The following ZNF804A variants were observed in gnomAD, a reference collection of about 807,000 sequenced individuals.
ZNF804A encodes zinc finger protein 804A.
ZNF804A carries 2 observed loss-of-function variants against 16.5 expected under a neutral mutation model. That is an observed-to-expected ratio of 0.12 (90% CI 0.05 to 0.38). The LOEUF is 0.38. ZNF804A is among the 10% of genes least tolerant of loss of function. The pLI is 0.99. For missense variants in ZNF804A, 1,473 were observed against 1,390.7 expected (o/e 1.06, Z -0.94); for synonymous variants, 534 against 489.6 (o/e 1.09, Z -1.20).
chr2:184,715,157 G>T lies in ZNF804A; in HGVS notation c.111+116087G>T, dbSNP rs114135802. On this transcript the variant is annotated intron_variant, in intron 1 of 3. Coordinates refer to ENST00000302277, the MANE Select transcript of ZNF804A (RefSeq NM_194250.2). ...AATTTTTGTAGTCTTCAGGATTCAAGATTCAAAATAGCTTGGGGACTAACT... is the reference window on the plus strand; with the variant it reads ...AATTTTTGTAGTCTTCAGGATTCAATATTCAAAATAGCTTGGGGACTAACT... Among the ~76,000 whole-genome samples the T allele has an allele frequency of 4.6e-3, 697 of 152,234 alleles. 12 individuals carry two copies. Among genetic ancestry groups the T allele is most frequent in the African/African-American group, 0.015 (635 of 41,570 alleles).
chr2:184,921,234 G>A (rs1685523729), intron 2 of ZNF804A, among the ~76,000 whole-genome samples: 1 of 151,982 alleles, frequency 6.6e-6, no homozygotes, highest in Non-Finnish European at 1.5e-5. Flanking sequence ...AAAAATATAA[G>A]AAAAAACATT....
At chr2:184,625,566 GAAAT>G (rs952130558) in intron 1 of ZNF804A, among the ~76,000 whole-genome samples, 6 of 152,060 alleles carry the variant, frequency 3.9e-5, no homozygotes, top group African/African-American at 1.2e-4. Context: ...GACAGATGGA[GAAAT>G]AAATAAGTAG....
chr2:184,737,857 C>T (rs1231758698), intron 1 of ZNF804A, among the ~76,000 whole-genome samples: 1 of 152,140 alleles, frequency 6.6e-6, no homozygotes, highest in Non-Finnish European at 1.5e-5. Context: ...GGCGCAGTGG[C>T]TTACGCTTAT....
intron 2 of ZNF804A, among the ~76,000 whole-genome samples, chr2:184,931,154 G>A (rs917073699): frequency 1.3e-5 from 2 of 152,176 alleles, no homozygotes; most frequent in African/African-American, 4.8e-5. Flanking sequence ...GAGTGTCTGT[G>A]GTTTTTCCAG....
chr2:184,921,138 T>A (rs911031579), intron 2 of ZNF804A, among the ~76,000 whole-genome samples: 6 of 152,174 alleles, frequency 3.9e-5, no homozygotes, highest in Non-Finnish European at 8.8e-5. Context: ...TTATTTGGAG[T>A]GTAACTATAC....
rs1473054487 is a variant in ZNF804A at position 184,938,711 on chromosome 2, GCACGCTGCAGCTGCTGCAGCT to G, written c.3316_3336del (p.His1106_Ala1112del). 2 of 1,612,958 alleles carry G rather than the reference GCACGCTGCAGCTGCTGCAGCT, an allele frequency of 1.2e-6. No homozygotes were observed. Among genetic ancestry groups the G allele is most frequent in the Non-Finnish European group, 1.7e-6 (2 of 1,179,568 alleles). ...CTATCCATCACACTGTTTTGCAGCA[GCACGCTGCAGCTGCTGCAGCT>G]GCAGCTGCAGCCGCAGCTGCAGGAA... is the stretch of plus-strand genomic sequence containing the variant. On this transcript the variant is annotated inframe_deletion, in exon 4 of 4. Transcript: ENST00000302277.
intron 2 of ZNF804A, among the ~76,000 whole-genome samples, chr2:184,909,098 A>G (rs1161558075): frequency 6.6e-6 from 1 of 151,946 alleles, no homozygotes; most frequent in African/African-American, 2.4e-5. Context: ...ATGAACTGCT[A>G]TTTTTTCACT....
At chr2:184,796,462 A>G (rs1694630442) in intron 1 of ZNF804A, among the ~76,000 whole-genome samples, 1 of 151,890 alleles carries the variant, frequency 6.6e-6, no homozygotes, top group Non-Finnish European at 1.5e-5. Context: ...GGAGGGCTGT[A>G]TTTTTCCAGG....
At chr2:184,652,540 T>A (rs1330310568) in intron 1 of ZNF804A, among the ~76,000 whole-genome samples, 1 of 152,178 alleles carries the variant, frequency 6.6e-6, no homozygotes, top group Non-Finnish European at 1.5e-5. Flanking sequence ...ATGGGAGTTT[T>A]TGGTGAAATC....
At chr2:184,692,947 A>G (rs1019801496) in intron 1 of ZNF804A, among the ~76,000 whole-genome samples, 2 of 152,186 alleles carry the variant, frequency 1.3e-5, no homozygotes, top group African/African-American at 4.8e-5. Context: ...AGATAGTGCT[A>G]TTTATAAAAC....
chr2:184,771,356 A>T (rs947064694), intron 1 of ZNF804A, among the ~76,000 whole-genome samples: 2 of 152,050 alleles, frequency 1.3e-5, no homozygotes, highest in African/African-American at 4.8e-5. Context: ...TATTTAATAT[A>T]TCACAGTTTC....
chr2:184,810,118 G>A (rs986584597), intron 1 of ZNF804A, among the ~76,000 whole-genome samples: 3 of 152,140 alleles, frequency 2.0e-5, no homozygotes, highest in Non-Finnish European at 2.9e-5. Context: ...AGTGAAGTAA[G>A]TTTTATTAAA....
In ZNF804A at chr2:184,935,716, A is replaced by C. The variant is rs1353283103; in HGVS notation, c.387-67A>C. On this transcript the variant is annotated intron_variant, in intron 3 of 3. Transcript: ENST00000302277. The stretch of plus-strand genomic sequence containing the variant: ...TATTATAATGACTTTTTAAAGATGA[A>C]AATATTTGACTATTTTTTTTTCTCA... The C allele has an allele frequency of 4.8e-6, 7 of 1,473,612 alleles. No homozygotes were observed. In the East Asian group the frequency reaches 1.6e-4, roughly 34 times the overall value. 91.3% of individuals were successfully genotyped at this position (1,473,612 alleles called of 1,614,324 possible). A position where few individuals can be genotyped will look rare whatever the true frequency, so the allele number is the denominator to read the frequency against.
intron 1 of ZNF804A, among the ~76,000 whole-genome samples, chr2:184,631,969 CAT>C (rs1389709594): frequency 2.6e-5 from 4 of 152,108 alleles, no homozygotes; most frequent in East Asian, 1.9e-4. Context: ...AAAGAACAAA[CAT>C]AGAGAAGCTG....
chr2:184,930,786 T>C (rs1363715179), intron 2 of ZNF804A, among the ~76,000 whole-genome samples: 2 of 152,232 alleles, frequency 1.3e-5, no homozygotes, highest in Non-Finnish European at 2.9e-5. Context: ...TTGTTCTAAG[T>C]TCCTGGTACA....
At chr2:184,833,043 A>G (rs1005359653) in intron 1 of ZNF804A, among the ~76,000 whole-genome samples, 2 of 152,052 alleles carry the variant, frequency 1.3e-5, no homozygotes, top group South Asian at 4.1e-4. Context: ...GGGCACATGC[A>G]TACTTAATTT....
At chr2:184,816,492 C>G (rs1049430634) in intron 1 of ZNF804A, among the ~76,000 whole-genome samples, 2 of 152,008 alleles carry the variant, frequency 1.3e-5, no homozygotes, top group African/African-American at 4.8e-5. Flanking sequence ...AACTCTTAAG[C>G]TCAGGGATTT....
chr2:184,830,366 C>A (rs1006064666), intron 1 of ZNF804A, among the ~76,000 whole-genome samples: 8 of 151,842 alleles, frequency 5.3e-5, no homozygotes, highest in Non-Finnish European at 1.2e-4. Flanking sequence ...AATTGTTTAC[C>A]TTGAGATATA....
chr2:184,838,876 T>C (rs937481628), intron 1 of ZNF804A, among the ~76,000 whole-genome samples: 11 of 152,150 alleles, frequency 7.2e-5, no homozygotes, highest in African/African-American at 2.4e-4. Context: ...AAATTGATTA[T>C]ATAGAAAACA....
Sources: gnomAD v4.1 joint callset for allele counts (sites outside exome capture counted in the v4.1 genomes callset) on GRCh38, gnomAD v4.1.1 for gene constraint, MANE v1.5 for transcripts, NCBI Gene and HGNC (gene_info 2026-07-23, HGNC 2026-07-21) for gene names.